CENPW: variants seen among roughly 807,000 people sequenced by gnomAD.
CENPW encodes the protein cancer-up-regulated gene 2 protein.
In CENPW, 3 loss-of-function variants were observed where a neutral mutation model predicts 11.1. The ratio of observed to expected loss-of-function variants is 0.27; its 90% CI spans 0.12 to 0.70. The LOEUF (loss-of-function observed/expected upper bound fraction) is 0.70, where lower values mean the gene tolerates loss of function less well. Ranked by LOEUF, CENPW falls within the 30% of genes least tolerant of loss-of-function variation. The pLI, the probability that CENPW is intolerant of heterozygous loss-of-function variation, is 0.77. For synonymous variants in CENPW, 38 were observed against 42.0 expected (o/e 0.91, Z 0.37); for missense variants, 100 against 105.6 (o/e 0.95, Z 0.23).
At chr6:126,407,352 G>C in the CENPW span, among the ~76,000 whole-genome samples, 2 of 152,154 alleles carry the variant, frequency 1.3e-5, no homozygotes, top group Non-Finnish European at 2.9e-5. Context: ...CATTTGGATT[G>C]ATTCCATGTC....
the CENPW span, among the ~76,000 whole-genome samples, chr6:126,353,978 TTATC>T: frequency 6.6e-6 from 1 of 152,168 alleles, no homozygotes; most frequent in African/African-American, 2.4e-5. Flanking sequence ...CTTAATTGTT[TTATC>T]TATCTTTTTC....
At chr6:126,437,173 A>C in the CENPW span, among the ~76,000 whole-genome samples, 1 of 151,912 alleles carries the variant, frequency 6.6e-6, no homozygotes, top group Non-Finnish European at 1.5e-5. Flanking sequence ...TAAATGGCTC[A>C]TTTCTTTTAA....
the CENPW span, among the ~76,000 whole-genome samples, chr6:126,421,908 C>A: frequency 6.6e-6 from 1 of 152,094 alleles, no homozygotes; most frequent in Non-Finnish European, 1.5e-5. Context: ...TCATGGTTAT[C>A]TAATGAGAGC....
the CENPW span, among the ~76,000 whole-genome samples, chr6:126,411,949 C>T: frequency 1.1e-4 from 13 of 115,018 alleles, no homozygotes; most frequent in Non-Finnish European, 2.2e-4. Context: ...CCCTCCTTTT[C>T]CTCCCTCCCT....
chr6:126,413,448 G>A, the CENPW span, among the ~76,000 whole-genome samples: 3 of 152,086 alleles, frequency 2.0e-5, no homozygotes. Flanking sequence ...AGTGCTGAAT[G>A]AAAACAAAAG....
the CENPW span, among the ~76,000 whole-genome samples, chr6:126,370,905 A>G: frequency 1.7e-4 from 26 of 151,950 alleles, no homozygotes; most frequent in African/African-American, 5.8e-4. Flanking sequence ...GGTGCCCACC[A>G]CCACGCCTGG....
chr6:126,445,083 A>T, the CENPW span, among the ~76,000 whole-genome samples: 1 of 151,042 alleles, frequency 6.6e-6, no homozygotes, highest in African/African-American at 2.4e-5. Flanking sequence ...CCTTGAACTC[A>T]CTCATGAATT....
At chr6:126,475,853 C>T in the CENPW span, among the ~76,000 whole-genome samples, 2 of 152,098 alleles carry the variant, frequency 1.3e-5, no homozygotes, top group South Asian at 2.1e-4. Flanking sequence ...TTGATAGGTT[C>T]GGCATCTTTA....
the CENPW span, among the ~76,000 whole-genome samples, chr6:126,360,336 C>G: frequency 2.6e-5 from 4 of 152,078 alleles, no homozygotes; most frequent in African/African-American, 9.7e-5. Flanking sequence ...CCTGACCTTT[C>G]TCTCTAGGTG....
the CENPW span, among the ~76,000 whole-genome samples, chr6:126,461,234 C>T: frequency 1.3e-5 from 2 of 150,462 alleles, no homozygotes; most frequent in South Asian, 2.1e-4. Context: ...TCATGAGATC[C>T]GATTGTTCTA....
chr6:126,395,089 G>C, the CENPW span, among the ~76,000 whole-genome samples: 1 of 151,852 alleles, frequency 6.6e-6, no homozygotes, highest in African/African-American at 2.4e-5. Flanking sequence ...CTCTAGGTTT[G>C]GGAAGTTCTC....
At chr6:126,428,172 A>C in the CENPW span, among the ~76,000 whole-genome samples, 1 of 152,216 alleles carries the variant, frequency 6.6e-6, no homozygotes, top group Non-Finnish European at 1.5e-5. Context: ...TTATTTTTAC[A>C]CATATCCACA....
In CENPW at chr6:126,342,330, T is replaced by C. The variant is rs542316902; in HGVS notation, c.126+1931T>C. 3.3e-5 allele frequency among the ~76,000 whole-genome samples: 5 copies of C among 152,316 alleles called. No individual in the cohort carries two copies. In the East Asian group the frequency reaches 9.7e-4, roughly 29 times the overall value. On this transcript the variant is annotated intron_variant, in intron 1 of 2. Transcript: ENST00000368328. ...ATCCCACATCATCCACAAAGTTTTC[T>C]ATAGTTAAAGCAGTTTGTTTTGATC...
chr6:126,365,511 C>T, the CENPW span, among the ~76,000 whole-genome samples: 1 of 152,056 alleles, frequency 6.6e-6, no homozygotes, highest in Non-Finnish European at 1.5e-5. Flanking sequence ...AACCAGATCT[C>T]CTGAGAACTC....
At chr6:126,382,186 G>A in the CENPW span, among the ~76,000 whole-genome samples, 7 of 151,974 alleles carry the variant, frequency 4.6e-5, no homozygotes, top group Non-Finnish European at 7.4e-5. Context: ...GCAGTGAGCC[G>A]AGATCGCACC....
At chr6:126,340,743 A>G in intron 1 of CENPW, among the ~76,000 whole-genome samples, 1 of 152,232 alleles carries the variant, frequency 6.6e-6, no homozygotes, top group East Asian at 1.9e-4. Context: ...AAAGGGTATG[A>G]AAGAATCACC....
the CENPW span, among the ~76,000 whole-genome samples, chr6:126,381,231 T>TTTA: frequency 1.3e-5 from 2 of 152,210 alleles, no homozygotes; most frequent in Admixed American, 1.3e-4. Context: ...AATGATGATA[T>TTTA]TTATTCTTTT....
chr6:126,404,390 G>A, the CENPW span, among the ~76,000 whole-genome samples: 8 of 151,926 alleles, frequency 5.3e-5, no homozygotes, highest in African/African-American at 1.9e-4. Flanking sequence ...AATCTTCTGG[G>A]AATAAATTTT....
chr6:126,443,986 A>C, the CENPW span, among the ~76,000 whole-genome samples: 1 of 150,820 alleles, frequency 6.6e-6, no homozygotes, highest in Non-Finnish European at 1.5e-5. Flanking sequence ...ACTCTCAAAT[A>C]TATTAAGATA....
Sources: gnomAD v4.1 joint callset for allele counts (sites outside exome capture counted in the v4.1 genomes callset) on GRCh38, gnomAD v4.1.1 for gene constraint, MANE v1.5 for transcripts, NCBI Gene and HGNC (gene_info 2026-07-23, HGNC 2026-07-21) for gene names.